The following EIF4G3 variants were observed in gnomAD, a reference collection of about 807,000 sequenced individuals.
EIF4G3 encodes the protein eukaryotic translation initiation factor 4 gamma 3.
In EIF4G3, 34 loss-of-function variants were observed where a neutral mutation model predicts 186.4. The observed-to-expected ratio is 0.18, with a 90% confidence interval of 0.14 to 0.24. The LOEUF is 0.24. EIF4G3 is among the 10% of genes least tolerant of loss of function. The pLI is 1.00. For synonymous variants in EIF4G3, 673 were observed against 679.5 expected, an observed-to-expected ratio of 0.99 and a Z score of 0.15; for missense variants, 1,536 against 1,948.5, an observed-to-expected ratio of 0.79 and a Z score of 3.99.
intron 3 of EIF4G3, among the ~76,000 whole-genome samples, chr1:21,070,214 C>CA (rs1254178541): frequency 6.6e-6 from 1 of 151,912 alleles, no homozygotes; most frequent in Non-Finnish European, 1.5e-5. Context: ...GCATATCAGG[C>CA]AGTGGCAACT....
chr1:20,941,206 A>T lies in EIF4G3; in HGVS notation c.1663+285T>A, dbSNP rs1049495637. 17 of 1,509,590 alleles carry T rather than the reference A, an allele frequency of 1.1e-5. No individual in the cohort carries two copies. The East Asian group carries it at 4.2e-4, about 37-fold the overall frequency. The allele number at this position is 1,509,590 out of a possible 1,614,324, so 93.5% of individuals were successfully genotyped here. A position where few individuals can be genotyped will look rare whatever the true frequency, so the allele number is the denominator to read the frequency against. On this transcript the variant is annotated intron_variant, in intron 14 of 36. Coordinates refer to ENST00000602326, the MANE Select transcript of EIF4G3 (RefSeq NM_001391906.1). ...ATTGAGAAACCAATTCATATGAATG[A>T]GGCAATAGCAACAACAACAACAACA... is the stretch of plus-strand genomic sequence containing the variant.
chr1:20,867,925 A>C (rs2077965231), intron 20 of EIF4G3, among the ~76,000 whole-genome samples: 1 of 152,118 alleles, frequency 6.6e-6, no homozygotes, highest in Non-Finnish European at 1.5e-5. Context: ...ACAGATTTAC[A>C]AAAATGTATC....
chr1:21,077,741 G>A (rs1025920668), intron 3 of EIF4G3, among the ~76,000 whole-genome samples: 6 of 151,902 alleles, frequency 3.9e-5, no homozygotes, highest in Admixed American at 3.9e-4. Context: ...TTAGCCAGGC[G>A]TGGTGGCGCA....
At chr1:20,870,955 A>T (rs2079026273) in intron 20 of EIF4G3, among the ~76,000 whole-genome samples, 1 of 152,170 alleles carries the variant, frequency 6.6e-6, no homozygotes. Flanking sequence ...GCATATATGG[A>T]TGGATATGTA....
At chr1:21,144,322 C>T (rs943210970) in intron 2 of EIF4G3, among the ~76,000 whole-genome samples, 1 of 152,190 alleles carries the variant, frequency 6.6e-6, no homozygotes, top group African/African-American at 2.4e-5. Context: ...AATCATAACT[C>T]ATTCTAGCCT....
chr1:21,060,796 A>C (rs953572476), intron 3 of EIF4G3, among the ~76,000 whole-genome samples: 12 of 151,442 alleles, frequency 7.9e-5, no homozygotes, highest in Non-Finnish European at 1.5e-4. Flanking sequence ...AAAAAAAAAA[A>C]AAAAAAAACA....
At chr1:21,137,452 C>T (rs569848579) in intron 2 of EIF4G3, among the ~76,000 whole-genome samples, 88 of 151,986 alleles carry the variant, frequency 5.8e-4, no homozygotes, top group African/African-American at 2.0e-3. Context: ...AAATTATATA[C>T]TGGACACCAT....
chr1:20,809,122 C>T (rs530207052), intron 36 of EIF4G3, among the ~76,000 whole-genome samples: 2 of 152,108 alleles, frequency 1.3e-5, no homozygotes, highest in Admixed American at 1.3e-4. Flanking sequence ...TACAGGCATG[C>T]GCCACCACGC....
At chr1:20,847,758 T>C (rs2071642057) in intron 29 of EIF4G3, 1 of 471,182 alleles carries the variant, frequency 2.1e-6, no homozygotes, top group South Asian at 1.6e-5. Context: ...TTCCCGTTAA[T>C]GTTCATTTAC....
intron 12 of EIF4G3, among the ~76,000 whole-genome samples, chr1:20,961,469 T>C (rs1484556838): frequency 1.3e-5 from 2 of 152,216 alleles, no homozygotes; most frequent in African/African-American, 4.8e-5. Flanking sequence ...ATTCACATAA[T>C]TCAAAGATAA....
At chr1:20,968,167 A>G (rs1218712897) in intron 12 of EIF4G3, among the ~76,000 whole-genome samples, 1 of 151,926 alleles carries the variant, frequency 6.6e-6, no homozygotes, top group Non-Finnish European at 1.5e-5. Flanking sequence ...GAGGAATGAA[A>G]TACAAATCTT....
At chr1:21,122,559 A>G (rs1455767521) in intron 2 of EIF4G3, among the ~76,000 whole-genome samples, 2 of 152,186 alleles carry the variant, frequency 1.3e-5, no homozygotes, top group African/African-American at 4.8e-5. Context: ...ACATATCCTT[A>G]TTTAATATGC....
intron 3 of EIF4G3, among the ~76,000 whole-genome samples, chr1:21,076,144 T>A (rs2095582453): frequency 6.6e-6 from 1 of 152,208 alleles, no homozygotes; most frequent in Non-Finnish European, 1.5e-5. Flanking sequence ...CCAAGTATCT[T>A]TTCTGACCGA....
chr1:20,976,638 A>G (rs1357761805), intron 10 of EIF4G3, among the ~76,000 whole-genome samples: 2 of 152,236 alleles, frequency 1.3e-5, no homozygotes, highest in Non-Finnish European at 1.5e-5. Context: ...TTACTATAAG[A>G]AACTGAATGG....
rs1323473169 is a variant in EIF4G3, at chr1:20,813,253, GAAAT to G, written c.4516-18_4516-15del. On this transcript the variant is annotated splice_polypyrimidine_tract_variant and intron_variant, in intron 34 of 36. Transcript: ENST00000602326. ...GTCTAGATTAGCCTGAAGTCAAAAAGAAATAAAACAATTAAAGATACCTTGCTCA... is the reference window on the plus strand; with the variant it reads ...GTCTAGATTAGCCTGAAGTCAAAAAGAAAACAATTAAAGATACCTTGCTCA... The G allele has an allele frequency of 1.9e-6, 3 of 1,600,454 alleles. No homozygotes were observed. In the Admixed American group the frequency reaches 5.0e-5, roughly 27 times the overall value.
intron 4 of EIF4G3, 35 bp downstream of exon 4, chr1:21,050,831 A>T (rs994954807): frequency 1.6e-5 from 11 of 688,942 alleles, no homozygotes; most frequent in Non-Finnish European, 2.9e-5. Flanking sequence ...CTTTACAGGG[A>T]CATTTCTTAT....
In EIF4G3 at chr1:20,806,677, G is replaced by A. The variant is rs1304062219; in HGVS notation, c.*642C>T. 3 of 150,662 alleles carry A rather than the reference G, an allele frequency of 2.0e-5. No individual in the cohort carries two copies. The highest frequency in any genetic ancestry group is 4.4e-5 in the Non-Finnish European group (3 of 67,730). 9.3% of individuals were successfully genotyped at this position (150,662 alleles called of 1,614,324 possible). ...CTTTTTTTTTTTTAAACAATTCTTG[G>A]AGTTCTGTGGTCCACAGCATTTCCT... On this transcript the variant is annotated 3_prime_UTR_variant, in exon 37 of 37. Coordinates refer to ENST00000602326, the MANE Select transcript of EIF4G3 (RefSeq NM_001391906.1).
chr1:21,062,900 A>G (rs752186638), intron 3 of EIF4G3, among the ~76,000 whole-genome samples: 17 of 152,130 alleles, frequency 1.1e-4, no homozygotes, highest in African/African-American at 2.2e-4. Context: ...CAATATATAT[A>G]TATTTTAAAT....
chr1:21,098,550 AAAAAAAAAAAAAAG>A (rs1208918579), intron 2 of EIF4G3, among the ~76,000 whole-genome samples: 14 of 148,112 alleles, frequency 9.5e-5, no homozygotes, highest in Non-Finnish European at 1.6e-4. Context: ...GAAAAAAAAA[AAAAAAAAAAAAAAG>A]AAGAAGAAGA....
Sources: allele counts gnomAD v4.1 joint callset (sites outside exome capture counted in the v4.1 genomes callset), GRCh38; gene constraint gnomAD v4.1.1; transcripts MANE v1.5; gene names NCBI Gene and HGNC (gene_info 2026-07-23, HGNC 2026-07-21).